FBXW11: variants seen among roughly 807,000 people sequenced by gnomAD.
FBXW11 encodes the protein F-box and WD repeat domain containing 11.
Under a neutral mutation model 77.6 loss-of-function variants are expected in FBXW11, and 19 were observed. The observed-to-expected ratio is 0.24, with a 90% CI of 0.17 to 0.36. The LOEUF is 0.36. Among genes scored for constraint, FBXW11 ranks in the 10% least tolerant of loss-of-function variants. The probability of loss-of-function intolerance (pLI) is 1.00; values close to 1 mark genes in which losing one functional copy is unlikely to be tolerated. For missense variants in FBXW11, 334 were observed against 704.2 expected, an observed-to-expected ratio of 0.47 and a Z score of 5.95; for synonymous variants, 235 against 249.4, an observed-to-expected ratio of 0.94 and a Z score of 0.54.
chr5:171,945,890 C>G (rs888148820), intron 2 of FBXW11, among the ~76,000 whole-genome samples: 1 of 152,182 alleles, frequency 6.6e-6, no homozygotes, highest in African/African-American at 2.4e-5. Flanking sequence ...AAAGTGTGGC[C>G]TCCTTCCAAT....
intron 1 of FBXW11, among the ~76,000 whole-genome samples, chr5:171,971,340 CAA>C (rs1167244789): frequency 6.6e-6 from 1 of 152,156 alleles, no homozygotes; most frequent in African/African-American, 2.4e-5. Flanking sequence ...TCTAAGGTTA[CAA>C]AAGTCTTATA....
At position 171,914,353 on chromosome 5, in the gene FBXW11, G is replaced by T. The variant is rs759843423; in HGVS notation, c.200C>A (p.Thr67Asn). Residue 67 changes from threonine to asparagine, a missense_variant, in exon 3 of 14, where the codon ACT becomes AAT. Thr to Asn is a moderately conservative substitution (Grantham distance 65, BLOSUM62 0). Transcript: ENST00000517395. ...QNEDESPKKN[T>N]LWQISNGTSS... is the part of the protein sequence containing the mutation. ...CGCCGTCATTCCTACCTGCCAAAGAGTATTTTTCTTTGGGGACTCATCTTC... is the reference window on the plus strand; with the variant it reads ...CGCCGTCATTCCTACCTGCCAAAGATTATTTTTCTTTGGGGACTCATCTTC... 1.4e-5 allele frequency: 22 copies of T among 1,604,852 alleles called. No homozygotes were observed. The East Asian group carries it at 4.9e-4, about 36-fold the overall frequency.
intron 1 of FBXW11, among the ~76,000 whole-genome samples, chr5:171,989,357 G>A (rs1208886430): frequency 6.6e-6 from 1 of 152,208 alleles, no homozygotes; most frequent in African/African-American, 2.4e-5. Context: ...CTTCATTATG[G>A]AGAGATCTGG....
In FBXW11 at chr5:171,904,569, T is replaced by G. The variant is rs575393220; in HGVS notation, c.437-4469A>C. Among the ~76,000 whole-genome samples the G allele has an allele frequency of 1.1e-3, 168 of 152,108 alleles. No homozygotes were observed. Among genetic ancestry groups the G allele is most frequent in the African/African-American group, 3.3e-3 (135 of 41,510 alleles). On this transcript the variant is annotated intron_variant, in intron 4 of 13. Transcript: ENST00000517395. This position sits in a 1 kb window ranked among gnomAD's most constrained non-coding sequence, Gnocchi z 4.0. ...GGCCCAGGAATCTGGGTGTGGTTTT[T>G]TTGTTGTTGTTGTTGTTTTTGGAAA...
chr5:171,989,515 C>G (rs888072585), intron 1 of FBXW11, among the ~76,000 whole-genome samples: 1 of 152,226 alleles, frequency 6.6e-6, no homozygotes, highest in Non-Finnish European at 1.5e-5. Flanking sequence ...CAATTAACTT[C>G]CAGTTTACAG....
rs771997325 is a variant in FBXW11 at position 171,870,919 on chromosome 5, A to G, written c.1341-61T>C. On this transcript the variant is annotated intron_variant, in intron 10 of 13. Coordinates refer to ENST00000517395, the MANE Select transcript of FBXW11 (RefSeq NM_001378974.1). ...CCACACACGATTCACACTATCCGTA[A>G]GTTTTTTATATCTGTTCCATACAGA... 6.9e-6 allele frequency: 8 copies of G among 1,167,130 alleles called. No individual in the cohort carries two copies. In the East Asian group the frequency reaches 1.2e-4, roughly 17 times the overall value. The allele number at this position is 1,167,130 out of a possible 1,614,324, so 72.3% of individuals were successfully genotyped here.
intron 4 of FBXW11, among the ~76,000 whole-genome samples, chr5:171,903,958 C>T (rs180996811): frequency 2.0e-5 from 3 of 152,294 alleles, no homozygotes; most frequent in Non-Finnish European, 4.4e-5. Flanking sequence ...ACTAATTCCT[C>T]TCTAGAACCC....
chr5:172,005,822 CCGCCGGGT>C (rs1206207033), intron 1 of FBXW11, among the ~76,000 whole-genome samples: 3 of 152,128 alleles, frequency 2.0e-5, no homozygotes, highest in Non-Finnish European at 4.4e-5. Flanking sequence ...ACATCCCTCT[CCGCCGGGT>C]AGGAAACCCT....
chr5:172,004,799 T>C (rs1766630133), intron 1 of FBXW11, among the ~76,000 whole-genome samples: 2 of 151,890 alleles, frequency 1.3e-5, no homozygotes, highest in East Asian at 3.8e-4. Flanking sequence ...TGACTACAAG[T>C]ATGATAAATT....
At chr5:171,915,758 A>C (rs1761190414) in intron 2 of FBXW11, among the ~76,000 whole-genome samples, 1 of 152,084 alleles carries the variant, frequency 6.6e-6, no homozygotes, top group Non-Finnish European at 1.5e-5. Flanking sequence ...GTATTCCAAA[A>C]AACATTACTT....
chr5:171,951,268 C>T (rs1208207097), intron 2 of FBXW11, among the ~76,000 whole-genome samples: 3 of 152,002 alleles, frequency 2.0e-5, no homozygotes, highest in African/African-American at 4.8e-5. Context: ...GGATCAGTGG[C>T]TCACACCTGT....
chr5:171,887,486 CA>C (rs751558442), intron 7 of FBXW11, among the ~76,000 whole-genome samples: 1 of 151,720 alleles, frequency 6.6e-6, no homozygotes, highest in Non-Finnish European at 1.5e-5. Flanking sequence ...AAGCCCACTA[CA>C]ATCTATCTCT....
intron 1 of FBXW11, among the ~76,000 whole-genome samples, chr5:171,978,077 C>G (rs1270492519): frequency 6.6e-6 from 1 of 151,998 alleles, no homozygotes; most frequent in Non-Finnish European, 1.5e-5. Flanking sequence ...CAGAGGTTAA[C>G]TAGACAAGGA....
At chr5:172,002,180 G>C (rs1488015018) in intron 1 of FBXW11, among the ~76,000 whole-genome samples, 2 of 152,164 alleles carry the variant, frequency 1.3e-5, no homozygotes, top group African/African-American at 2.4e-5. Context: ...GCATATATGT[G>C]CTGTTGTGAA....
intron 1 of FBXW11, among the ~76,000 whole-genome samples, chr5:171,976,963 T>C (rs912096440): frequency 4.0e-5 from 6 of 151,822 alleles, no homozygotes; most frequent in African/African-American, 1.5e-4. Flanking sequence ...GGAGAGTCGC[T>C]TGAACCTAGG....
Position 171,904,188 on chromosome 5 carries a change from C to A in FBXW11, c.437-4088G>T, listed in dbSNP as rs1760318569. Among the ~76,000 whole-genome samples, 1 of 22,788 alleles carries A rather than the reference C, an allele frequency of 4.4e-5. No homozygotes were observed. The highest frequency in any genetic ancestry group is 4.6e-3 in the South Asian group (1 of 216). The allele number at this position is 22,788 out of a possible 152,430, so 14.9% of individuals were successfully genotyped here. ...CACGCCTGTAATCCCAGCTACTTGG[C>A]AGGATGAGGCGCGCGAGAACCACTT... On this transcript the variant is annotated intron_variant, in intron 4 of 13. Transcript: ENST00000517395. The surrounding 1 kb of genome is among the most constrained non-coding windows in gnomAD (Gnocchi z 4.0).
chr5:172,005,496 T>C (rs1454401667), intron 1 of FBXW11, among the ~76,000 whole-genome samples: 1 of 152,186 alleles, frequency 6.6e-6, no homozygotes, highest in Non-Finnish European at 1.5e-5. Context: ...TTCTAGCCAC[T>C]CTCTCACTGT....
At chr5:171,865,286 A>C (rs79098907) in intron 13 of FBXW11, among the ~76,000 whole-genome samples, 1 of 151,848 alleles carries the variant, frequency 6.6e-6, no homozygotes, top group African/African-American at 2.4e-5. Flanking sequence ...GTATAATTAA[A>C]AAAAAAAAAA....
At chr5:171,890,773 C>G (rs1003116422) in intron 7 of FBXW11, among the ~76,000 whole-genome samples, 8 of 152,068 alleles carry the variant, frequency 5.3e-5, no homozygotes, top group Non-Finnish European at 8.8e-5. Flanking sequence ...CAGAAAAGCC[C>G]AGGATAAGAA....
Sources: allele counts gnomAD v4.1 joint callset (sites outside exome capture counted in the v4.1 genomes callset), GRCh38; gene constraint gnomAD v4.1.1; non-coding constraint Gnocchi (gnomAD v3.1); transcripts MANE v1.5; gene names NCBI Gene and HGNC (gene_info 2026-07-23, HGNC 2026-07-21).